PKN2: variants seen among roughly 807,000 people sequenced by gnomAD.
PKN2 encodes serine/threonine-protein kinase N2.
A neutral mutation model predicts 119.1 loss-of-function variants in PKN2; 38 were observed. The observed-to-expected ratio is 0.32, with a 90% CI of 0.25 to 0.42. The LOEUF is 0.42. Ranked by LOEUF, PKN2 falls within the 10% of genes least tolerant of loss-of-function variation. The pLI is 1.00. For missense variants in PKN2, 850 were observed against 1,165.1 expected (o/e 0.73, Z 3.94); for synonymous variants, 390 against 384.9 (o/e 1.01, Z -0.15).
chr1:88,710,145 G>A (rs1667169449), intron 1 of PKN2, among the ~76,000 whole-genome samples: 1 of 152,182 alleles, frequency 6.6e-6, no homozygotes, highest in Admixed American at 6.5e-5. Flanking sequence ...TCAAGGTGGA[G>A]ATGCACTTTG....
intron 6 of PKN2, among the ~76,000 whole-genome samples, chr1:88,775,367 CT>C (rs1237741712): frequency 6.6e-6 from 1 of 152,188 alleles, no homozygotes; most frequent in Non-Finnish European, 1.5e-5. Context: ...AGTATGTAGC[CT>C]TTTCACATTG....
intron 18 of PKN2, among the ~76,000 whole-genome samples, chr1:88,825,208 A>G (rs564784426): frequency 1.3e-5 from 2 of 152,350 alleles, no homozygotes; most frequent in South Asian, 4.1e-4. Flanking sequence ...TTGCTGAATC[A>G]AGTAAGTTTT....
At chr1:88,764,227 T>G (rs896314957) in intron 3 of PKN2, among the ~76,000 whole-genome samples, 1 of 152,172 alleles carries the variant, frequency 6.6e-6, no homozygotes, top group Non-Finnish European at 1.5e-5. Flanking sequence ...CACTCTTACC[T>G]CAGGGCTTTT....
intron 16 of PKN2, among the ~76,000 whole-genome samples, chr1:88,821,046 G>C (rs749274793): frequency 1.3e-5 from 2 of 152,144 alleles, no homozygotes; most frequent in Non-Finnish European, 2.9e-5. Context: ...ATCATCACCT[G>C]CCCCACAGAC....
intron 1 of PKN2, among the ~76,000 whole-genome samples, chr1:88,713,585 G>A (rs1346171083): frequency 6.6e-6 from 1 of 152,166 alleles, no homozygotes; most frequent in African/African-American, 2.4e-5. Flanking sequence ...CTTTTGAGAA[G>A]TGTCCGTTCA....
At chr1:88,785,889 C>T (rs1670551359) in intron 7 of PKN2, among the ~76,000 whole-genome samples, 1 of 152,110 alleles carries the variant, frequency 6.6e-6, no homozygotes, top group South Asian at 2.1e-4. Context: ...AGATAGCAGT[C>T]ACTATTTGTG....
intron 6 of PKN2, among the ~76,000 whole-genome samples, chr1:88,784,249 G>T (rs865783006): frequency 2.6e-4 from 38 of 147,412 alleles, no homozygotes; most frequent in Middle Eastern, 3.5e-3. Flanking sequence ...CCAGCCTCCC[G>T]GATAGCTGGG....
intron 1 of PKN2, among the ~76,000 whole-genome samples, chr1:88,732,289 CA>C (rs1668171604): frequency 1.3e-5 from 2 of 151,816 alleles, no homozygotes; most frequent in African/African-American, 2.4e-5. Context: ...ATTTTATTGT[CA>C]AAAAAATAGA....
At chr1:88,820,823 G>T (rs1404786576) in intron 16 of PKN2, among the ~76,000 whole-genome samples, 1 of 152,094 alleles carries the variant, frequency 6.6e-6, no homozygotes, top group African/African-American at 2.4e-5. Flanking sequence ...CTAAGGGTCT[G>T]TTCATAGGCT....
chr1:88,751,059 C>A lies in PKN2; in HGVS notation c.350-9163C>A, dbSNP rs190587178. Among the ~76,000 whole-genome samples, 195 of 152,222 alleles carry A rather than the reference C, an allele frequency of 1.3e-3. 1 individual carries two copies. The highest frequency in any genetic ancestry group is 1.4e-3 in the Non-Finnish European group (93 of 67,978). ...ACAAATTTGTAGCATGGTAGAGATG[C>A]CTTTCAAATGGTCTGGCATCTGCCT... On this transcript the variant is annotated intron_variant, in intron 2 of 21. Coordinates refer to ENST00000370521, the MANE Select transcript of PKN2 (RefSeq NM_006256.4).
intron 6 of PKN2, among the ~76,000 whole-genome samples, chr1:88,774,859 C>T (rs972134877): frequency 6.6e-6 from 1 of 152,084 alleles, no homozygotes; most frequent in Non-Finnish European, 1.5e-5. Context: ...CGGGAACGTG[C>T]CACCACACCT....
At chr1:88,737,480 T>G (rs561969854) in intron 1 of PKN2, among the ~76,000 whole-genome samples, 1 of 152,298 alleles carries the variant, frequency 6.6e-6, no homozygotes, top group Admixed American at 6.5e-5. Context: ...CTCCAAGCTG[T>G]GCTGCCTAGG....
intron 1 of PKN2, among the ~76,000 whole-genome samples, chr1:88,705,837 A>G (rs552422754): frequency 3.3e-5 from 5 of 151,800 alleles, no homozygotes; most frequent in Non-Finnish European, 5.9e-5. Context: ...TTTTTTTGCC[A>G]GTCCCATGCT....
intron 8 of PKN2, among the ~76,000 whole-genome samples, chr1:88,804,073 G>C (rs562647824): frequency 6.6e-6 from 1 of 152,254 alleles, no homozygotes; most frequent in Non-Finnish European, 1.5e-5. Flanking sequence ...AAAGATTGAA[G>C]CTCTAAGAGA....
intron 8 of PKN2, among the ~76,000 whole-genome samples, chr1:88,788,256 C>G (rs1236882019): frequency 6.6e-6 from 1 of 152,116 alleles, no homozygotes; most frequent in African/African-American, 2.4e-5. Flanking sequence ...CTTCAGTGTT[C>G]TGCAGAATTG....
intron 8 of PKN2, among the ~76,000 whole-genome samples, chr1:88,792,045 T>C (rs961797913): frequency 6.6e-6 from 1 of 152,188 alleles, no homozygotes; most frequent in Non-Finnish European, 1.5e-5. Flanking sequence ...TTTTAACTTG[T>C]AACAAAGCTG....
intron 1 of PKN2, among the ~76,000 whole-genome samples, chr1:88,714,632 G>C (rs1312161584): frequency 3.3e-5 from 5 of 152,204 alleles, no homozygotes; most frequent in Non-Finnish European, 5.9e-5. Context: ...TTTGTATCCT[G>C]AGACTGCTAA....
At chr1:88,827,211 A>C (rs1318280892) in intron 18 of PKN2, among the ~76,000 whole-genome samples, 1 of 152,138 alleles carries the variant, frequency 6.6e-6, no homozygotes, top group Non-Finnish European at 1.5e-5. Context: ...ATATTTGATT[A>C]ACATATTAAT....
chr1:88,748,975 A>G (rs1192175424), intron 2 of PKN2, among the ~76,000 whole-genome samples: 1 of 152,052 alleles, frequency 6.6e-6, no homozygotes, highest in African/African-American at 2.4e-5. Flanking sequence ...GAGTAGTGAT[A>G]TTTTTCATTC....
Sources: allele counts gnomAD v4.1 joint callset (sites outside exome capture counted in the v4.1 genomes callset), GRCh38; gene constraint gnomAD v4.1.1; transcripts MANE v1.5; gene names NCBI Gene and HGNC (gene_info 2026-07-23, HGNC 2026-07-21).